Variants in ZNF445 observed in about 807,000 individuals in gnomAD.
ZNF445 encodes the protein zinc finger protein 168.
A neutral mutation model predicts 93.9 loss-of-function variants in ZNF445; 19 were observed. That is an observed-to-expected ratio of 0.20 (90% CI 0.14 to 0.30). The LOEUF is 0.30. ZNF445 is among the 10% of genes least tolerant of loss of function. The probability of loss-of-function intolerance (pLI) is 1.00; values close to 1 mark genes in which losing one functional copy is unlikely to be tolerated. For missense variants in ZNF445, 1,058 were observed against 1,259.4 expected, an observed-to-expected ratio of 0.84 and a Z score of 2.42; for synonymous variants, 449 against 446.3, an observed-to-expected ratio of 1.01 and a Z score of -0.08.
intron 2 of ZNF445, among the ~76,000 whole-genome samples, chr3:44,456,108 G>T (rs921711579): frequency 3.9e-5 from 6 of 152,246 alleles, no homozygotes; most frequent in African/African-American, 1.4e-4. Context: ...AAAGGCAATG[G>T]GATTAGAATA....
At position 44,455,443 on chromosome 3, in the gene ZNF445, G is replaced by A. The variant is rs1159148523; in HGVS notation, c.107C>T (p.Thr36Ile). 3.1e-6 allele frequency: 5 copies of A among 1,614,118 alleles called. No homozygotes were observed. The highest frequency in any genetic ancestry group is 1.6e-4 in the Middle Eastern group (1 of 6,084). ...CTGTGGCCTGGCAGCCTGCACTGGA[G>A]TATAGCTTTCATCCTCTTCTTCCTT... The part of the protein sequence containing the change: ...VKKEEEDESY[T>I]PVQAARPQTL... Residue 36 changes from threonine (T) to isoleucine (I), a missense_variant, in exon 3 of 8, where the codon ACT becomes ATT. Around this residue, in one of 3 missense-constraint regions of ZNF445, gnomAD observed 657 missense variants for 746.4 expected, o/e 0.88. Coordinates refer to ENST00000396077, the MANE Select transcript of ZNF445 (RefSeq NM_181489.6).
rs1697835668 is a variant in ZNF445, at chr3:44,443,391, C to T, written c.*3184G>A. 1 of 152,040 alleles carries T rather than the reference C, an allele frequency of 6.6e-6. No homozygotes were observed. The highest frequency in any genetic ancestry group is 2.1e-4 in the South Asian group (1 of 4,818). The allele number at this position is 152,040 out of a possible 1,614,324, so 9.4% of individuals were successfully genotyped here. A position where few individuals can be genotyped will look rare whatever the true frequency, so the allele number is the denominator to read the frequency against. On this transcript the variant is annotated 3_prime_UTR_variant, in exon 8 of 8. Coordinates refer to ENST00000396077, the MANE Select transcript of ZNF445 (RefSeq NM_181489.6). Reference sequence around the variant, plus strand: ...ATTGGACAAATAGGTTCAGTATAATCCCAAATATAAACAGCTTACTTCAGG... The same window carrying T: ...ATTGGACAAATAGGTTCAGTATAATTCCAAATATAAACAGCTTACTTCAGG...
chr3:44,458,057 A>C (rs1455595432), intron 2 of ZNF445, among the ~76,000 whole-genome samples, 187 bp downstream of exon 2: 1 of 151,630 alleles, frequency 6.6e-6, no homozygotes, highest in African/African-American at 2.4e-5. Context: ...GTAAGCCATA[A>C]AACTATACAA....
At chr3:44,453,547 G>T in intron 3 of ZNF445, among the ~76,000 whole-genome samples, 1 of 152,078 alleles carries the variant, frequency 6.6e-6, no homozygotes, top group African/African-American at 2.4e-5. Context: ...TGCCCGCCTT[G>T]GCCTCCCAAA....
chr3:44,453,757 G>C (rs1697987736), intron 3 of ZNF445, among the ~76,000 whole-genome samples: 1 of 152,166 alleles, frequency 6.6e-6, no homozygotes, highest in Non-Finnish European at 1.5e-5. Context: ...CCAGGCCTGG[G>C]ACTGCCAACT....
intron 1 of ZNF445, among the ~76,000 whole-genome samples, chr3:44,464,228 G>A (rs753393651): frequency 7.9e-5 from 12 of 152,138 alleles, no homozygotes; most frequent in Admixed American, 3.3e-4. Context: ...AGTATAAAAA[G>A]GCACCCTTAA....
intron 7 of ZNF445, among the ~76,000 whole-genome samples, chr3:44,449,155 G>C (rs1697923764): frequency 6.6e-6 from 1 of 152,132 alleles, no homozygotes. Context: ...AGTGGGATGA[G>C]GGCTCCTAAG....
intron 6 of ZNF445, chr3:44,450,090 G>T: frequency 3.1e-6 from 1 of 320,774 alleles, no homozygotes; most frequent in Non-Finnish European, 6.0e-6. Flanking sequence ...ACAGGCGTGC[G>T]TACCACATGC....
intron 6 of ZNF445, chr3:44,450,167 G>A (rs957781360): frequency 7.0e-6 from 3 of 428,966 alleles, no homozygotes; most frequent in Non-Finnish European, 1.3e-5. Flanking sequence ...TCAAACTCCT[G>A]AGCTCAAGCA....
At position 44,436,820 on chromosome 3, in the gene ZNF445, T is replaced by C. The variant is rs1249321912; in HGVS notation, c.*9755A>G. ...TTCTCAGCTTCTCAAGTTAAAACAA[T>C]GAACCACAAATCTCTGCTTAATTAT... On this transcript the variant is annotated 3_prime_UTR_variant, in exon 8 of 8. Coordinates refer to ENST00000396077, the MANE Select transcript of ZNF445 (RefSeq NM_181489.6). The C allele has an allele frequency of 1.3e-5, 2 of 152,166 alleles. No individual in the cohort carries two copies. Among genetic ancestry groups the C allele is most frequent in the African/African-American group, 2.4e-5 (1 of 41,444 alleles). 9.4% of individuals were successfully genotyped at this position (152,166 alleles called of 1,614,324 possible).
intron 1 of ZNF445, among the ~76,000 whole-genome samples, chr3:44,473,562 C>G (rs1698302824): frequency 6.6e-6 from 1 of 150,932 alleles, no homozygotes; most frequent in East Asian, 1.9e-4. Flanking sequence ...AAGAAATAAA[C>G]TAATAATGGG....
At chr3:44,452,274 T>G (rs1190279311) in intron 3 of ZNF445, among the ~76,000 whole-genome samples, 1 of 152,054 alleles carries the variant, frequency 6.6e-6, no homozygotes, top group Non-Finnish European at 1.5e-5. Context: ...ATTAATCATC[T>G]GATACAGAGA....
Position 44,448,595 on chromosome 3 carries a change from C to T in ZNF445, c.1076G>A (p.Ser359Asn), listed in dbSNP as rs749462435. Residue 359 changes from serine (S) to asparagine (N), a missense_variant, in exon 8 of 8, where the codon AGC becomes AAC. By Grantham distance (46) the Ser-to-Asn change is conservative (BLOSUM62 1). Around this residue, in one of 3 missense-constraint regions of ZNF445, gnomAD observed 657 missense variants for 746.4 expected, o/e 0.88. Coordinates refer to ENST00000396077, the MANE Select transcript of ZNF445 (RefSeq NM_181489.6). ...IGLRESFQQK[S>N]RQKDQCENPI... Reference sequence around the variant, plus strand: ...ATTTTCACATTGATCCTTCTGCCTGCTCTTCTGTTGAAAAGATTCTCTGAG... The same window carrying T: ...ATTTTCACATTGATCCTTCTGCCTGTTCTTCTGTTGAAAAGATTCTCTGAG... 4.0e-5 allele frequency: 64 copies of T among 1,614,038 alleles called. No individual in the cohort carries two copies. Among genetic ancestry groups the T allele is most frequent in the Non-Finnish European group, 5.2e-5 (61 of 1,180,052 alleles).
intron 2 of ZNF445, among the ~76,000 whole-genome samples, chr3:44,456,158 G>C (rs1174929034): frequency 6.6e-6 from 1 of 152,192 alleles, no homozygotes; most frequent in South Asian, 2.1e-4. Flanking sequence ...GCTCACACCT[G>C]TAATCCTAGC....
chr3:44,461,111 G>C (rs1021471220), intron 1 of ZNF445, among the ~76,000 whole-genome samples: 11 of 152,216 alleles, frequency 7.2e-5, no homozygotes, highest in Admixed American at 6.5e-4. Context: ...CCACTGCAGA[G>C]TGTCTGCATT....
rs1307264722 is a variant in ZNF445, at chr3:44,437,096, T to A, written c.*9479A>T. 1 of 152,196 alleles carries A rather than the reference T, an allele frequency of 6.6e-6. No homozygotes were observed. The highest frequency in any genetic ancestry group is 1.9e-4 in the East Asian group (1 of 5,188). The allele number at this position is 152,196 out of a possible 1,614,324, so 9.4% of individuals were successfully genotyped here. On this transcript the variant is annotated 3_prime_UTR_variant, in exon 8 of 8. Transcript: ENST00000396077. ...TCTATTTTATGGTTTCTTGATGATA[T>A]GCTAAACAAGGGGTGGATTATTCAT...
rs528115218 is a variant in ZNF445 at position 44,433,724 on chromosome 3, A to G, written c.*12851T>C. On this transcript the variant is annotated 3_prime_UTR_variant, in exon 8 of 8. Coordinates refer to ENST00000396077, the MANE Select transcript of ZNF445 (RefSeq NM_181489.6). ...CTTTCCCTCACGCCATGGCAAAAGC[A>G]TCTCCATCAGGCAGGACTGGCTTCA... The G allele has an allele frequency of 6.6e-6, 1 of 152,366 alleles. No individual in the cohort carries two copies. The highest frequency in any genetic ancestry group is 1.9e-4 in the East Asian group (1 of 5,170). The allele number at this position is 152,366 out of a possible 1,614,324, so 9.4% of individuals were successfully genotyped here. A position where few individuals can be genotyped will look rare whatever the true frequency, so the allele number is the denominator to read the frequency against.
intron 2 of ZNF445, among the ~76,000 whole-genome samples, chr3:44,456,584 G>A (rs1698030528): frequency 6.6e-6 from 1 of 152,036 alleles, no homozygotes; most frequent in Non-Finnish European, 1.5e-5. Context: ...ATAGGTCAAT[G>A]GAATAAAATA....
At chr3:44,465,605 A>C (rs1265569930) in intron 1 of ZNF445, among the ~76,000 whole-genome samples, 1 of 152,158 alleles carries the variant, frequency 6.6e-6, no homozygotes, top group East Asian at 1.9e-4. Flanking sequence ...TAGAGATATA[A>C]ACTTTTATTT....
Sources: allele counts gnomAD v4.1 joint callset (sites outside exome capture counted in the v4.1 genomes callset), GRCh38; gene constraint gnomAD v4.1.1; regional missense constraint gnomAD v4.1.1; transcripts MANE v1.5; gene names NCBI Gene and HGNC (gene_info 2026-07-23, HGNC 2026-07-21).